Variants in RAB7A observed in about 807,000 individuals in gnomAD.
RAB7A encodes the protein ras-related protein Rab-7a.
In RAB7A, 2 loss-of-function variants were observed where a neutral mutation model predicts 24.5. The observed-to-expected ratio is 0.08, with a 90% CI of 0.03 to 0.26. The LOEUF is 0.26. Ranked by LOEUF, RAB7A falls within the 10% of genes least tolerant of loss-of-function variation. RAB7A has a pLI of 1.00. For synonymous variants in RAB7A, 100 were observed against 95.9 expected (o/e 1.04, Z -0.25); for missense variants, 118 against 255.7 (o/e 0.46, Z 3.67).
At chr3:128,809,926 T>C (rs1933884416) in intron 5 of RAB7A, among the ~76,000 whole-genome samples, 1 of 146,328 alleles carries the variant, frequency 6.8e-6, no homozygotes, top group African/African-American at 2.5e-5. Flanking sequence ...AAGTTTCCTC[T>C]TGCCACAGTC....
intron 1 of RAB7A, among the ~76,000 whole-genome samples, chr3:128,740,998 A>G (rs1167359512): frequency 6.6e-6 from 1 of 151,078 alleles, no homozygotes; most frequent in East Asian, 1.9e-4. Context: ...TAAATTTTGT[A>G]GAAATTTAAG....
intron 1 of RAB7A, among the ~76,000 whole-genome samples, chr3:128,787,002 A>G (rs1459066839): frequency 2.0e-5 from 3 of 152,234 alleles, no homozygotes; most frequent in Admixed American, 6.5e-5. Flanking sequence ...TATAACCTCA[A>G]CCATTTGAAG....
In RAB7A at chr3:128,802,843, C is replaced by T. The variant is rs575753100; in HGVS notation, c.181-3529C>T. 3.9e-5 allele frequency among the ~76,000 whole-genome samples: 6 copies of T among 152,128 alleles called. No individual in the cohort carries two copies. In the South Asian group the frequency reaches 6.2e-4, roughly 16 times the overall value. ...TTTTTTGAGACAGGAGTCTCACTGT[C>T]GCCCAGGCTGGAGTGCAGTGGCCTG... On this transcript the variant is annotated intron_variant, in intron 3 of 5. Coordinates refer to ENST00000265062, the MANE Select transcript of RAB7A (RefSeq NM_004637.6).
chr3:128,782,675 G>A (rs921202156), intron 1 of RAB7A, among the ~76,000 whole-genome samples: 12 of 105,086 alleles, frequency 1.1e-4, no homozygotes, highest in East Asian at 3.4e-4. Context: ...TGGAAATGGC[G>A]GGGTGGGGGG....
chr3:128,773,655 G>GA (rs1210263835), intron 1 of RAB7A, among the ~76,000 whole-genome samples: 1 of 152,254 alleles, frequency 6.6e-6, no homozygotes, highest in Non-Finnish European at 1.5e-5. Context: ...AGAAAAGGGG[G>GA]AAAGGTGGGG....
chr3:128,733,483 G>C (rs1046426041), intron 1 of RAB7A, among the ~76,000 whole-genome samples: 2 of 152,160 alleles, frequency 1.3e-5, no homozygotes, highest in Admixed American at 6.5e-5. Context: ...TAGGGCTGCC[G>C]TAACAAGTAT....
At chr3:128,801,102 T>C (rs898027834) in intron 3 of RAB7A, among the ~76,000 whole-genome samples, 17 of 152,242 alleles carry the variant, frequency 1.1e-4, no homozygotes, top group Non-Finnish European at 2.5e-4. Context: ...GAGTGTTTTT[T>C]GTATTTAAAG....
chr3:128,736,724 C>T (rs984115466), intron 1 of RAB7A, among the ~76,000 whole-genome samples: 1 of 151,742 alleles, frequency 6.6e-6, no homozygotes, highest in Non-Finnish European at 1.5e-5. Flanking sequence ...AGTTAAATTC[C>T]AGCACAGGAA....
intron 1 of RAB7A, among the ~76,000 whole-genome samples, chr3:128,768,787 T>G (rs530941970): frequency 1.3e-5 from 2 of 150,054 alleles, no homozygotes; most frequent in South Asian, 2.1e-4. Context: ...GCTCTCAAAC[T>G]CCCAGCTTCA....
At chr3:128,733,822 A>G (rs150052532) in intron 1 of RAB7A, among the ~76,000 whole-genome samples, 1 of 152,386 alleles carries the variant, frequency 6.6e-6, no homozygotes, top group African/African-American at 2.4e-5. Flanking sequence ...TTTTAGGTGG[A>G]CACAGTTCAC....
chr3:128,741,733 G>C (rs957955629), intron 1 of RAB7A, among the ~76,000 whole-genome samples: 2 of 152,064 alleles, frequency 1.3e-5, no homozygotes, highest in African/African-American at 2.4e-5. Flanking sequence ...CTGTGGGACA[G>C]TACTGCTGTC....
At chr3:128,776,297 T>A (rs1194800746) in intron 1 of RAB7A, among the ~76,000 whole-genome samples, 2 of 151,688 alleles carry the variant, frequency 1.3e-5, no homozygotes, top group Non-Finnish European at 1.5e-5. Flanking sequence ...ACAGGCAGGG[T>A]CTCACTGTGT....
At chr3:128,734,861 C>T (rs1213645331) in intron 1 of RAB7A, among the ~76,000 whole-genome samples, 1 of 152,186 alleles carries the variant, frequency 6.6e-6, no homozygotes, top group Non-Finnish European at 1.5e-5. Flanking sequence ...CATGACTTTG[C>T]CTGTCTTCCA....
chr3:128,778,301 A>T (rs1933140802), intron 1 of RAB7A, among the ~76,000 whole-genome samples: 1 of 151,982 alleles, frequency 6.6e-6, no homozygotes, highest in African/African-American at 2.4e-5. Flanking sequence ...AGTTTTCTCA[A>T]TTTTTTTCAT....
At chr3:128,742,229 G>A (rs2107586672) in intron 1 of RAB7A, among the ~76,000 whole-genome samples, 1 of 152,232 alleles carries the variant, frequency 6.6e-6, no homozygotes, top group South Asian at 2.1e-4. Context: ...ATTCCCCCCG[G>A]TGGGTTCGTG....
At chr3:128,726,675 G>A (rs1233636391) in intron 1 of RAB7A, among the ~76,000 whole-genome samples, 1 of 152,218 alleles carries the variant, frequency 6.6e-6, no homozygotes, top group Non-Finnish European at 1.5e-5. Flanking sequence ...CCTGCGCCGC[G>A]GCAGGACGCG....
chr3:128,779,071 G>A (rs768277412), intron 1 of RAB7A, among the ~76,000 whole-genome samples: 1 of 152,196 alleles, frequency 6.6e-6, no homozygotes. Context: ...TCAGTATTGT[G>A]GACCAAGTAT....
At chr3:128,735,525 C>T (rs2070482913) in intron 1 of RAB7A, among the ~76,000 whole-genome samples, 1 of 152,182 alleles carries the variant, frequency 6.6e-6, no homozygotes. Context: ...TGTAATTTGT[C>T]TAAAGAAACC....
chr3:128,727,436 C>T (rs1403690371), intron 1 of RAB7A, among the ~76,000 whole-genome samples: 1 of 152,228 alleles, frequency 6.6e-6, no homozygotes, highest in Non-Finnish European at 1.5e-5. Context: ...ACCTCAGTGC[C>T]TCCCACCACC....
Sources: gnomAD v4.1 joint callset for allele counts (sites outside exome capture counted in the v4.1 genomes callset) on GRCh38, gnomAD v4.1.1 for gene constraint, MANE v1.5 for transcripts, NCBI Gene and HGNC (gene_info 2026-07-23, HGNC 2026-07-21) for gene names.